NOC3L: variants seen among roughly 807,000 people sequenced by gnomAD.
NOC3L encodes the protein nucleolar complex protein 3 homolog.
A neutral mutation model predicts 102.5 loss-of-function variants in NOC3L; 85 were observed. The observed-to-expected ratio is 0.83, with a 90% CI of 0.70 to 0.99. The LOEUF (loss-of-function observed/expected upper bound fraction) is 0.99, where lower values mean the gene tolerates loss of function less well. Among genes scored for constraint, NOC3L ranks in the 50% least tolerant of loss-of-function variants. NOC3L has a pLI of 0.00. For synonymous variants in NOC3L, 303 were observed against 309.4 expected (o/e 0.98, Z 0.22); for missense variants, 878 against 914.9 (o/e 0.96, Z 0.52).
intron 19 of NOC3L, among the ~76,000 whole-genome samples, chr10:94,336,025 T>C (rs1208060311): frequency 6.6e-6 from 1 of 152,212 alleles, no homozygotes; most frequent in Non-Finnish European, 1.5e-5. Flanking sequence ...AGTGTTCCAT[T>C]ATCAGAACAC....
chr10:94,346,433 G>C lies in NOC3L; in HGVS notation c.1381C>G (p.Gln461Glu), dbSNP rs1018586159. Reference protein sequence around the residue: ...KEKRKSLSRMQRKWKKAEEKL... With the variant: ...KEKRKSLSRMERKWKKAEEKL... Reference sequence around the variant, plus strand: ...GGGGAAATAAGTCAAACCTTTCTCTGCATTCTTGATAGAGATTTTCTCTTT... The same window carrying C: ...GGGGAAATAAGTCAAACCTTTCTCTCCATTCTTGATAGAGATTTTCTCTTT... The change falls in exon 11 of 21, where the codon CAG becomes GAG. Residue 461 changes from glutamine (Q) to glutamate (E), a missense_variant. Transcript: ENST00000371361. 9 of 1,493,382 alleles carry C rather than the reference G, an allele frequency of 6.0e-6. No individual in the cohort carries two copies. The African/African-American group carries it at 1.3e-4, about 22-fold the overall frequency. 92.5% of individuals were successfully genotyped at this position (1,493,382 alleles called of 1,614,324 possible). A position where few individuals can be genotyped will look rare whatever the true frequency, so the allele number is the denominator to read the frequency against.
intron 16 of NOC3L, 108 bp from the exon 17 acceptor site, chr10:94,340,028 C>A: frequency 2.1e-6 from 2 of 971,412 alleles, no homozygotes; most frequent in East Asian, 2.5e-5. Context: ...TGTCCCAAAC[C>A]ATTTCTCTAA....
intron 6 of NOC3L, among the ~76,000 whole-genome samples, chr10:94,354,163 G>T (rs2054455104): frequency 6.6e-6 from 1 of 152,092 alleles, no homozygotes; most frequent in Non-Finnish European, 1.5e-5. Flanking sequence ...ATTAGAAAAG[G>T]ACAAGTACTA....
the NOC3L span, chr10:94,316,480 C>A: frequency 1.0e-6 from 1 of 975,154 alleles, no homozygotes; most frequent in Non-Finnish European, 1.7e-6. Context: ...CCTATCTGAA[C>A]ACCATGAAAG....
chr10:94,345,320 T>C (rs996851814), intron 11 of NOC3L, among the ~76,000 whole-genome samples: 8 of 152,006 alleles, frequency 5.3e-5, no homozygotes, highest in Non-Finnish European at 1.0e-4. Context: ...AAAGAACATG[T>C]TGAGCCCAAA....
At position 94,361,733 on chromosome 10, in the gene NOC3L, CT is replaced by C. The variant is rs761831320; in HGVS notation, c.148del (p.Arg50GlyfsTer4). On this transcript the variant is annotated frameshift_variant, in exon 2 of 21. Transcript: ENST00000371361. LOFTEE classifies it high-confidence loss of function. The stretch of plus-strand genomic sequence containing the variant: ...AGACACAGCATCTTTCACAGCTTGC[CT>C]TAGTTTCCTCTGTTCTTTTCGGTAC... Reference protein sequence around the residue: ...KKYRKEQRKLRQAVKDAVSKK... With the variant: ...KKYRKEQRKLXQAVKDAVSKK... 1.5e-5 allele frequency: 25 copies of C among 1,614,036 alleles called. No individual in the cohort carries two copies. The highest frequency in any genetic ancestry group is 2.0e-5 in the Non-Finnish European group (24 of 1,180,034).
At chr10:94,360,806 T>A (rs1325520508) in intron 2 of NOC3L, among the ~76,000 whole-genome samples, 2 of 152,098 alleles carry the variant, frequency 1.3e-5, no homozygotes, top group African/African-American at 4.8e-5. Flanking sequence ...GTACCTCATG[T>A]ATCCCATAAA....
chr10:94,346,506 T>C lies in NOC3L; in HGVS notation c.1308A>G (p.Lys436=). 1 of 1,466,100 alleles carries C rather than the reference T, an allele frequency of 6.8e-7. No individual in the cohort carries two copies. Among genetic ancestry groups the C allele is most frequent in the Non-Finnish European group, 9.2e-7 (1 of 1,089,356 alleles). The allele number at this position is 1,466,100 out of a possible 1,614,324, so 90.8% of individuals were successfully genotyped here. A position where few individuals can be genotyped will look rare whatever the true frequency, so the allele number is the denominator to read the frequency against. The part of the protein sequence containing the change: ...CLRIKEVEVK[K]DTEDINKPKK... ...TTGGTTTATTAATGTCTTCTGTATC[T>C]TTTTTCACTTCTACTTCCTTGATTC... The change falls in exon 11 of 21, where the codon AAA becomes AAG. Residue 436 remains lysine, a synonymous_variant. Coordinates refer to ENST00000371361, the MANE Select transcript of NOC3L (RefSeq NM_022451.11).
Position 94,353,060 on chromosome 10 carries a change from G to A in NOC3L, c.697-3C>T, listed in dbSNP as rs981556305. 6.3e-7 allele frequency: 1 copy of A among 1,596,940 alleles called. No homozygotes were observed. The highest frequency in any genetic ancestry group is 8.5e-7 in the Non-Finnish European group (1 of 1,173,278). ...CGTAATTCTTTCAATTTTTTAATCT[G>A]TTAAAGAAATAGCTTATAAAGCTGG... On this transcript the variant is annotated splice_region_variant and splice_polypyrimidine_tract_variant and intron_variant, in intron 6 of 20. Transcript: ENST00000371361.
intron 14 of NOC3L, 30 bp from the exon 15 acceptor site, chr10:94,340,526 G>A: frequency 7.7e-6 from 6 of 776,994 alleles, no homozygotes; most frequent in South Asian, 1.4e-5. Flanking sequence ...GGGTGAGGGG[G>A]ATGGAATATT....
intron 3 of NOC3L, chr10:94,357,656 T>C (rs2134011552): frequency 4.4e-6 from 1 of 225,224 alleles, no homozygotes; most frequent in South Asian, 1.3e-4. Context: ...CCAAAATCTT[T>C]AGAGTATAGC....
chr10:94,360,641 G>A (rs941961604), intron 2 of NOC3L, among the ~76,000 whole-genome samples: 1 of 152,084 alleles, frequency 6.6e-6, no homozygotes, highest in Non-Finnish European at 1.5e-5. Context: ...GTATTTGATA[G>A]ATAGGATGAC....
the NOC3L span, among the ~76,000 whole-genome samples, chr10:94,322,217 A>G: frequency 2.0e-5 from 3 of 152,214 alleles, no homozygotes; most frequent in South Asian, 2.1e-4. Flanking sequence ...ATTGCCTCAC[A>G]TGGTGGCTCA....
rs754730649 is a variant in NOC3L at position 94,344,454 on chromosome 10, C to G, written c.1532G>C (p.Arg511Thr). Reference protein sequence around the residue: ...TYFRILKKAQRSPLLPAVLEG... With the variant: ...TYFRILKKAQTSPLLPAVLEG... ...TAGAACTGCTGGCAGGAGAGGTGACCTCTGGGCCTTCTTCAATATTCTGAA... is the reference window on the plus strand; with the variant it reads ...TAGAACTGCTGGCAGGAGAGGTGACGTCTGGGCCTTCTTCAATATTCTGAA... Residue 511 changes from arginine to threonine, a missense_variant, in exon 13 of 21, where the codon AGG becomes ACG. Transcript: ENST00000371361. 1 of 1,613,806 alleles carries G rather than the reference C, an allele frequency of 6.2e-7. No individual in the cohort carries two copies. The highest frequency in any genetic ancestry group is 1.7e-5 in the Admixed American group (1 of 60,004).
At chr10:94,336,042 T>G (rs1232811969) in intron 19 of NOC3L, among the ~76,000 whole-genome samples, 3 of 152,208 alleles carry the variant, frequency 2.0e-5, no homozygotes, top group African/African-American at 7.2e-5. Context: ...ACACTAAGCT[T>G]GTAGGAGTTA....
At chr10:94,326,837 A>C in the NOC3L span, among the ~76,000 whole-genome samples, 1 of 152,138 alleles carries the variant, frequency 6.6e-6, no homozygotes, top group Non-Finnish European at 1.5e-5. Context: ...ATTTAGAATC[A>C]TTCTGTTAAC....
At chr10:94,343,074 A>T (rs1317844229) in intron 13 of NOC3L, among the ~76,000 whole-genome samples, 1 of 150,956 alleles carries the variant, frequency 6.6e-6, no homozygotes, top group Non-Finnish European at 1.5e-5. Context: ...ACAGAGCAAG[A>T]CAGTGTCTCC....
intron 19 of NOC3L, among the ~76,000 whole-genome samples, chr10:94,336,541 T>A (rs1318800449): frequency 6.6e-6 from 1 of 150,982 alleles, no homozygotes; most frequent in Admixed American, 6.6e-5. Context: ...AGAGATGGGG[T>A]TTCACCATGT....
intron 18 of NOC3L, 88 bp from the exon 19 acceptor site, chr10:94,337,962 T>C (rs1159411044): frequency 3.1e-6 from 3 of 975,204 alleles, no homozygotes; most frequent in Non-Finnish European, 4.7e-6. Flanking sequence ...TTAAATAAAA[T>C]TACACCAAAT....
Sources: allele counts gnomAD v4.1 joint callset (sites outside exome capture counted in the v4.1 genomes callset), GRCh38; gene constraint gnomAD v4.1.1; transcripts MANE v1.5; gene names NCBI Gene and HGNC (gene_info 2026-07-23, HGNC 2026-07-21).